SMARCA2: variants seen among roughly 807,000 people sequenced by gnomAD.
SMARCA2 encodes the protein SWI/SNF-related matrix-associated actin-dependent regulator of chromatin subfamily A member 2.
A neutral mutation model predicts 199.8 loss-of-function variants in SMARCA2; 61 were observed. The ratio of observed to expected loss-of-function variants is 0.31; its 90% CI spans 0.25 to 0.38. The LOEUF (loss-of-function observed/expected upper bound fraction) is 0.38, where lower values mean the gene tolerates loss of function less well. Ranked by LOEUF, SMARCA2 falls within the 10% of genes least tolerant of loss-of-function variation. The pLI is 1.00. For missense variants in SMARCA2, 1,344 were observed against 2,012.2 expected (o/e 0.67, Z 6.35); for synonymous variants, 935 against 732.0 (o/e 1.28, Z -4.48).
rs58451824 is a variant in SMARCA2, at chr9:2,055,022, G to T, written c.1173+299G>T. ...TGGATGAAAAACCTTGGGAACAAGT[G>T]GGGTAGCTCATGTTTGCTTTTATGA... On this transcript the variant is annotated intron_variant, in intron 6 of 33. Coordinates refer to ENST00000349721, the MANE Select transcript of SMARCA2 (RefSeq NM_003070.5). Among the ~76,000 whole-genome samples the T allele has an allele frequency of 0.013, 1,977 of 152,270 alleles. 35 individuals are homozygous for T. Among genetic ancestry groups the T allele is most frequent in the African/African-American group, 0.044 (1,844 of 41,506 alleles).
intron 3 of SMARCA2, among the ~76,000 whole-genome samples, chr9:2,034,062 T>C (rs1030417807): frequency 1.3e-5 from 2 of 151,874 alleles, no homozygotes; most frequent in Non-Finnish European, 2.9e-5. Flanking sequence ...CTGGTCAACA[T>C]GGTGAAACCC....
chr9:2,158,818 G>T, intron 27 of SMARCA2: 1 of 790,666 alleles, frequency 1.3e-6, no homozygotes, highest in East Asian at 2.9e-5. Context: ...GAAAAGCATT[G>T]GGAAGTGTTT....
intron 1 of SMARCA2, among the ~76,000 whole-genome samples, chr9:2,023,018 G>A (rs974693775): frequency 1.3e-5 from 2 of 152,072 alleles, no homozygotes; most frequent in African/African-American, 2.4e-5. Context: ...AGGTTTTCTC[G>A]TAAATTCCCT....
Position 2,070,484 on chromosome 9 carries a change from C to T in SMARCA2, c.1746+13C>T, listed in dbSNP as rs771568383. ...ACCGGATGGAGAGGTAAGGGATCGT[C>T]ATCCTTTCCACTGTGTTCTGCTGAA... is the stretch of plus-strand genomic sequence containing the variant. On this transcript the variant is annotated intron_variant, in intron 10 of 33. Coordinates refer to ENST00000349721, the MANE Select transcript of SMARCA2 (RefSeq NM_003070.5). 5 of 1,604,348 alleles carry T rather than the reference C, an allele frequency of 3.1e-6. No individual in the cohort carries two copies. Among genetic ancestry groups the T allele is most frequent in the Non-Finnish European group, 4.3e-6 (5 of 1,171,378 alleles).
chr9:2,105,881 G>A (rs143822032), intron 23 of SMARCA2, among the ~76,000 whole-genome samples: 153 of 152,216 alleles, frequency 1.0e-3, no homozygotes, highest in Non-Finnish European at 1.7e-3. Context: ...CCAATCTCAG[G>A]TCTCTGACGA....
Position 2,076,348 on chromosome 9 carries a change from C to G in SMARCA2, c.2036+19C>G, listed in dbSNP as rs902679081. ...TCATTGAGTATGTACTGCATTTTTC[C>G]CTTGGAAATGCATTGCATGAGGATG... On this transcript the variant is annotated intron_variant, in intron 13 of 33. Coordinates refer to ENST00000349721, the MANE Select transcript of SMARCA2 (RefSeq NM_003070.5). 1.4e-6 allele frequency: 2 copies of G among 1,385,652 alleles called. No homozygotes were observed. Among genetic ancestry groups the G allele is most frequent in the Admixed American group, 1.7e-5 (1 of 57,944 alleles). The allele number at this position is 1,385,652 out of a possible 1,614,324, so 85.8% of individuals were successfully genotyped here.
At position 2,170,325 on chromosome 9, in the gene SMARCA2, G is replaced by C. The variant is rs909354008; in HGVS notation, c.4200-94G>C. 1 of 1,548,684 alleles carries C rather than the reference G, an allele frequency of 6.5e-7. No individual in the cohort carries two copies. The highest frequency in any genetic ancestry group is 2.3e-5 in the East Asian group (1 of 42,732). ...CAAGGCAGGTTGGTGAGGAGACTGA[G>C]GCTTGGCCAGGTCACCCAGCCTAGG... On this transcript the variant is annotated intron_variant, in intron 28 of 33. Transcript: ENST00000349721. This position sits in a 1 kb window ranked among gnomAD's most constrained non-coding sequence, Gnocchi z 4.7.
chr9:2,102,100 C>G (rs1271353860), intron 22 of SMARCA2, among the ~76,000 whole-genome samples: 2 of 151,576 alleles, frequency 1.3e-5, no homozygotes, highest in Non-Finnish European at 2.9e-5. Context: ...TCTTGACTTG[C>G]AACAACAAAA....
intron 15 of SMARCA2, among the ~76,000 whole-genome samples, chr9:2,082,319 G>A (rs1488835750): frequency 7.4e-6 from 1 of 135,146 alleles, no homozygotes; most frequent in Non-Finnish European, 1.6e-5. Context: ...GTGTGTGTGT[G>A]TGTGTGTGTG....
Position 2,039,812 on chromosome 9 carries a change from G to GCAGCAGCAA in SMARCA2, c.707_708insGCAACAGCA (p.Gln236_Gln238dup). ...AGCAGCAGCAGCAGCAGCAGCAGCA[G>GCAGCAGCAA]CAGCAACAGCAGCCGCAGCAGCAGC... On this transcript the variant is annotated inframe_insertion, in exon 4 of 34. Transcript: ENST00000349721. This position sits in a 1 kb window ranked among gnomAD's most constrained non-coding sequence, Gnocchi z 4.8. 6.2e-7 allele frequency: 1 copy of GCAGCAGCAA among 1,606,166 alleles called. No homozygotes were observed. The highest frequency in any genetic ancestry group is 2.2e-5 in the East Asian group (1 of 44,530).
At chr9:2,142,032 G>T (rs1356889071) in intron 27 of SMARCA2, among the ~76,000 whole-genome samples, 1 of 152,120 alleles carries the variant, frequency 6.6e-6, no homozygotes, top group Non-Finnish European at 1.5e-5. Context: ...GGGCCCCTTA[G>T]TGGACTTCCT....
At position 2,115,771 on chromosome 9, in the gene SMARCA2, A is replaced by T. The variant is rs1204022071; in HGVS notation, c.3457-51A>T. On this transcript the variant is annotated intron_variant, in intron 24 of 33. Transcript: ENST00000349721. The surrounding 1 kb of genome is among the most constrained non-coding windows in gnomAD (Gnocchi z 6.0). ...CCTCTGGGGTGGGGTCCGGTTTTGG[A>T]TGCCTATGCCAGGCATCTCAGTCCT... The T allele has an allele frequency of 6.7e-7, 1 of 1,482,362 alleles. No homozygotes were observed. The highest frequency in any genetic ancestry group is 1.4e-5 in the African/African-American group (1 of 72,322). 91.8% of individuals were successfully genotyped at this position (1,482,362 alleles called of 1,614,324 possible).
At chr9:2,142,802 G>C (rs1824528245) in intron 27 of SMARCA2, among the ~76,000 whole-genome samples, 1 of 152,074 alleles carries the variant, frequency 6.6e-6, no homozygotes, top group African/African-American at 2.4e-5. Context: ...CCCTTGAGCA[G>C]TAATCATCCA....
intron 29 of SMARCA2, among the ~76,000 whole-genome samples, chr9:2,176,141 A>G (rs1309968837): frequency 2.0e-5 from 3 of 148,566 alleles, no homozygotes; most frequent in African/African-American, 7.6e-5. Flanking sequence ...TCGGCCTCCC[A>G]AAGTGCTGGG....
chr9:2,025,807 C>T (rs968867604), intron 1 of SMARCA2, among the ~76,000 whole-genome samples: 1 of 152,022 alleles, frequency 6.6e-6, no homozygotes, highest in Non-Finnish European at 1.5e-5. Context: ...AATTGCCACC[C>T]GAAATGTAGA....
At chr9:2,117,005 C>T (rs1378993050) in intron 25 of SMARCA2, among the ~76,000 whole-genome samples, 2 of 152,142 alleles carry the variant, frequency 1.3e-5, no homozygotes, top group Non-Finnish European at 2.9e-5. Context: ...TTTTAAAAGT[C>T]TTATAAACAA....
chr9:2,042,776 G>A (rs1053570104), intron 4 of SMARCA2: 4 of 151,682 alleles, frequency 2.6e-5, no homozygotes, highest in African/African-American at 2.4e-5. Flanking sequence ...TTCAATAGTC[G>A]GAGCTTCATT....
At chr9:2,173,119 A>C (rs1011572686) in intron 29 of SMARCA2, among the ~76,000 whole-genome samples, 1 of 152,204 alleles carries the variant, frequency 6.6e-6, no homozygotes, top group Non-Finnish European at 1.5e-5. Context: ...CTGAGTGATC[A>C]GTGAACAGCG....
intron 23 of SMARCA2, among the ~76,000 whole-genome samples, chr9:2,108,988 G>C (rs1013937630): frequency 5.9e-5 from 9 of 152,172 alleles, no homozygotes; most frequent in African/African-American, 2.2e-4. Flanking sequence ...TCTAATCCCT[G>C]TTTGCTGTAT....
Sources: gnomAD v4.1 joint callset for allele counts (sites outside exome capture counted in the v4.1 genomes callset) on GRCh38, gnomAD v4.1.1 for gene constraint, Gnocchi (gnomAD v3.1) non-coding constraint, MANE v1.5 for transcripts, NCBI Gene and HGNC (gene_info 2026-07-23, HGNC 2026-07-21) for gene names.